Variants in TANC2 observed in about 807,000 individuals in gnomAD.
TANC2 encodes the protein protein TANC2.
Under a neutral mutation model 210.5 loss-of-function variants are expected in TANC2, and 26 were observed. That is an observed-to-expected ratio of 0.12 (90% CI 0.09 to 0.17). TANC2 has a LOEUF of 0.17. Ranked by LOEUF, TANC2 falls within the 10% of genes least tolerant of loss-of-function variation. The probability of loss-of-function intolerance (pLI) is 1.00; values close to 1 mark genes in which losing one functional copy is unlikely to be tolerated. For missense variants in TANC2, 2,129 were observed against 2,608.9 expected (o/e 0.82, Z 4.01); for synonymous variants, 931 against 967.1 (o/e 0.96, Z 0.69).
At chr17:62,994,572 G>T (rs972727219) in intron 1 of TANC2, among the ~76,000 whole-genome samples, 12 of 152,076 alleles carry the variant, frequency 7.9e-5, no homozygotes, top group Middle Eastern at 3.2e-3. Context: ...TCATGAAAGG[G>T]TGTTGCCTTT....
intron 7 of TANC2, among the ~76,000 whole-genome samples, chr17:63,217,958 A>G (rs989931661): frequency 5.3e-5 from 8 of 152,184 alleles, no homozygotes; most frequent in African/African-American, 1.9e-4. Context: ...ACTAAAAAAG[A>G]AAAACTGTAT....
intron 14 of TANC2, among the ~76,000 whole-genome samples, chr17:63,357,535 G>C (rs1175195343): frequency 3.3e-5 from 5 of 152,158 alleles, no homozygotes; most frequent in Non-Finnish European, 5.9e-5. Flanking sequence ...TTCACTTAAT[G>C]GCAGAGAGTA....
chr17:63,209,845 C>G (rs1342754006), intron 7 of TANC2, among the ~76,000 whole-genome samples: 1 of 152,140 alleles, frequency 6.6e-6, no homozygotes, highest in African/African-American at 2.4e-5. Context: ...GTATTTTTAA[C>G]CATAAACGAA....
chr17:63,062,302 T>C (rs2036024100), intron 2 of TANC2, among the ~76,000 whole-genome samples: 1 of 152,226 alleles, frequency 6.6e-6, no homozygotes, highest in Admixed American at 6.5e-5. Context: ...AAGTGTTACA[T>C]TGCAGCTTGC....
At chr17:63,290,819 G>A (rs2044361054) in intron 9 of TANC2, among the ~76,000 whole-genome samples, 1 of 152,020 alleles carries the variant, frequency 6.6e-6, no homozygotes, top group African/African-American at 2.4e-5. Flanking sequence ...CTCATTAGAA[G>A]GTAACCGTCT....
chr17:63,061,621 A>G (rs239357), intron 2 of TANC2, among the ~76,000 whole-genome samples: 90,815 of 151,878 alleles, frequency 0.6, 29,736 homozygotes, highest in African/African-American at 0.87. Context: ...ATATAACTAG[A>G]TGTATATATA....
chr17:63,282,173 G>T (rs2044077651), intron 9 of TANC2, among the ~76,000 whole-genome samples: 1 of 151,884 alleles, frequency 6.6e-6, no homozygotes, highest in African/African-American at 2.4e-5. Context: ...AACAAAGCCA[G>T]AATTCGTTAT....
intron 14 of TANC2, among the ~76,000 whole-genome samples, chr17:63,357,236 A>G (rs2046806905): frequency 6.6e-6 from 1 of 152,234 alleles, no homozygotes; most frequent in Non-Finnish European, 1.5e-5. Flanking sequence ...ATCCTGGGAC[A>G]TCTCAGAGGA....
chr17:63,416,196 A>G (rs924484496), intron 26 of TANC2, among the ~76,000 whole-genome samples: 1 of 152,068 alleles, frequency 6.6e-6, no homozygotes. Context: ...CCTAGGGGGA[A>G]TCTCAGAACT....
intron 2 of TANC2, among the ~76,000 whole-genome samples, chr17:63,033,422 G>T (rs900939754): frequency 6.6e-6 from 1 of 152,028 alleles, no homozygotes; most frequent in African/African-American, 2.4e-5. Flanking sequence ...ATCTCTCCTG[G>T]TAGTAAAATA....
chr17:63,323,035 G>C (rs2045544953), intron 11 of TANC2, among the ~76,000 whole-genome samples: 1 of 152,190 alleles, frequency 6.6e-6, no homozygotes, highest in Admixed American at 6.5e-5. Context: ...TGTTATCCCA[G>C]TTATTGTGCT....
chr17:63,324,015 G>A (rs1368549847), intron 11 of TANC2, among the ~76,000 whole-genome samples: 2 of 152,152 alleles, frequency 1.3e-5, no homozygotes, highest in East Asian at 1.9e-4. Flanking sequence ...TTAGTTTAGT[G>A]TTATTTCGAA....
intron 19 of TANC2, among the ~76,000 whole-genome samples, chr17:63,399,663 A>G (rs2048282528): frequency 6.6e-6 from 1 of 152,246 alleles, no homozygotes; most frequent in Non-Finnish European, 1.5e-5. Context: ...GATATTTTCC[A>G]GGAGAAGTAG....
At chr17:63,340,387 C>T in intron 12 of TANC2, 55 bp downstream of exon 12, 1 of 1,409,044 alleles carries the variant, frequency 7.1e-7, no homozygotes, top group Admixed American at 1.9e-5. Context: ...CCAAGTTCAC[C>T]CGGGTCATAC....
At chr17:62,981,541 A>G (rs919654659) in intron 1 of TANC2, among the ~76,000 whole-genome samples, 1 of 152,130 alleles carries the variant, frequency 6.6e-6, no homozygotes, top group Non-Finnish European at 1.5e-5. Context: ...TCATCTGACT[A>G]TATTACCTAC....
intron 4 of TANC2, among the ~76,000 whole-genome samples, chr17:63,143,127 C>CA (rs2039345623): frequency 6.6e-6 from 1 of 152,158 alleles, no homozygotes; most frequent in African/African-American, 2.4e-5. Flanking sequence ...AATTGGTTTA[C>CA]AAATAGTTAT....
intron 4 of TANC2, among the ~76,000 whole-genome samples, chr17:63,143,139 G>A (rs1463277251): frequency 2.0e-5 from 3 of 152,166 alleles, no homozygotes; most frequent in Admixed American, 2.0e-4. Flanking sequence ...AATAGTTATT[G>A]CAGGTTTCTA....
intron 1 of TANC2, among the ~76,000 whole-genome samples, chr17:62,990,168 G>C (rs1469413692): frequency 6.6e-6 from 1 of 151,938 alleles, no homozygotes; most frequent in Non-Finnish European, 1.5e-5. Context: ...TACTGGGCTA[G>C]AAAATACCAG....
chr17:63,241,479 T>A (rs890672008), intron 8 of TANC2, among the ~76,000 whole-genome samples: 2 of 152,306 alleles, frequency 1.3e-5, no homozygotes, highest in East Asian at 1.9e-4. Flanking sequence ...TTTGGCACAC[T>A]CTATTTTTGT....
Sources: gnomAD v4.1 joint callset for allele counts (sites outside exome capture counted in the v4.1 genomes callset) on GRCh38, gnomAD v4.1.1 for gene constraint, MANE v1.5 for transcripts, NCBI Gene and HGNC (gene_info 2026-07-23, HGNC 2026-07-21) for gene names.